STAB2: variants seen among roughly 807,000 people sequenced by gnomAD.
The protein encoded by STAB2 is stabilin-2.
In STAB2, 288 loss-of-function variants were observed where a neutral mutation model predicts 338.1. The ratio of observed to expected loss-of-function variants is 0.85; its 90% CI spans 0.77 to 0.94. The LOEUF (loss-of-function observed/expected upper bound fraction) is 0.94. STAB2 is among the 40% of genes least tolerant of loss of function. The pLI is 0.00. For missense variants in STAB2, 3,141 were observed against 3,210.1 expected, an observed-to-expected ratio of 0.98 and a Z score of 0.52; for synonymous variants, 1,202 against 1,193.3, an observed-to-expected ratio of 1.01 and a Z score of -0.15.
chr12:103,611,991 C>G (rs941794012), intron 3 of STAB2, among the ~76,000 whole-genome samples: 1 of 152,168 alleles, frequency 6.6e-6, no homozygotes, highest in African/African-American at 2.4e-5. Flanking sequence ...AAATTCTTTT[C>G]TTTAAGAATG....
At position 103,745,276 on chromosome 12, in the gene STAB2, A is replaced by G; in HGVS notation, c.6135A>G (p.Ala2045=). ...CAGGCCCCTCGTGTGACACTCAGGC[A>G]GGTCAGTCATGGGAGTGGTCAGCTG... is the stretch of plus-strand genomic sequence containing the variant. The part of the protein sequence containing the change: ...GWTGPSCDTQ[A]VLPAVCTPPC... The change falls in exon 57 of 69, where the codon GCA becomes GCG. Residue 2045 remains alanine (A), a splice_region_variant and synonymous_variant. Transcript: ENST00000388887. 1 of 1,612,934 alleles carries G rather than the reference A, an allele frequency of 6.2e-7. No individual in the cohort carries two copies. Among genetic ancestry groups the G allele is most frequent in the South Asian group, 1.1e-5 (1 of 90,866 alleles).
intron 53 of STAB2, among the ~76,000 whole-genome samples, chr12:103,738,777 A>T (rs1163140320): frequency 6.6e-6 from 1 of 152,208 alleles, no homozygotes; most frequent in Non-Finnish European, 1.5e-5. Context: ...AAAGTATACC[A>T]TTTAACTTAA....
At chr12:103,761,258 C>T in intron 65 of STAB2, 42 bp from the exon 66 acceptor site, 2 of 1,587,250 alleles carry the variant, frequency 1.3e-6, no homozygotes, top group Admixed American at 1.7e-5. Context: ...GGGCTGCCCA[C>T]TCGGAGAGTA....
intron 26 of STAB2, 74 bp from the exon 27 acceptor site, chr12:103,684,915 T>C (rs1877256848): frequency 2.1e-6 from 3 of 1,440,644 alleles, no homozygotes; most frequent in Non-Finnish European, 2.9e-6. Context: ...AGATGGAGCC[T>C]GTCGTCTCAT....
chr12:103,705,184 C>A (rs956523751), intron 36 of STAB2, among the ~76,000 whole-genome samples: 2 of 152,164 alleles, frequency 1.3e-5, no homozygotes, highest in Non-Finnish European at 2.9e-5. Context: ...TAATCTATAA[C>A]AACCATACAG....
At chr12:103,650,406 CG>C in intron 10 of STAB2, 89 bp from the exon 11 acceptor site, 3 of 1,043,354 alleles carry the variant, frequency 2.9e-6, no homozygotes, top group Non-Finnish European at 4.4e-6. Flanking sequence ...ATGGACCGGT[CG>C]TGACCCAAGA....
intron 53 of STAB2, among the ~76,000 whole-genome samples, chr12:103,738,348 G>T (rs1882319692): frequency 6.6e-6 from 1 of 152,098 alleles, no homozygotes; most frequent in South Asian, 2.1e-4. Context: ...CATCCATCCA[G>T]CACCTTTACT....
At chr12:103,677,080 T>C (rs1396186970) in intron 24 of STAB2, among the ~76,000 whole-genome samples, 1 of 152,202 alleles carries the variant, frequency 6.6e-6, no homozygotes, top group Admixed American at 6.5e-5. Flanking sequence ...GGTTGCCACA[T>C]TATACAGGCC....
chr12:103,603,350 G>A (rs532094648), intron 3 of STAB2, among the ~76,000 whole-genome samples: 86 of 152,314 alleles, frequency 5.6e-4, no homozygotes, highest in Non-Finnish European at 1.1e-3. Context: ...GATTACAGGC[G>A]TGAGCCACCG....
chr12:103,611,046 T>C (rs1324688368), intron 3 of STAB2, among the ~76,000 whole-genome samples: 1 of 152,226 alleles, frequency 6.6e-6, no homozygotes, highest in African/African-American at 2.4e-5. Context: ...CACTGTGGTC[T>C]GAGAGACAGT....
Position 103,689,843 on chromosome 12 carries a change from C to A in STAB2, c.3046-3C>A. 6.2e-7 allele frequency: 1 copy of A among 1,612,250 alleles called. No homozygotes were observed. The highest frequency in any genetic ancestry group is 8.5e-7 in the Non-Finnish European group (1 of 1,179,424). ...GTCACTTTATTTTCCTTCTGTGGTT[C>A]AGAATGCTTCTCTACAACCCACACT... On this transcript the variant is annotated splice_region_variant and splice_polypyrimidine_tract_variant and intron_variant, in intron 28 of 68. Coordinates refer to ENST00000388887, the MANE Select transcript of STAB2 (RefSeq NM_017564.10).
chr12:103,683,064 A>G, intron 25 of STAB2, 141 bp from the exon 26 acceptor site: 1 of 530,446 alleles, frequency 1.9e-6, no homozygotes, highest in Non-Finnish European at 3.2e-6. Context: ...GAAGTGTATC[A>G]AGCAAAAGGC....
At chr12:103,657,007 A>G (rs948247136) in intron 15 of STAB2, among the ~76,000 whole-genome samples, 10 of 152,048 alleles carry the variant, frequency 6.6e-5, no homozygotes, top group African/African-American at 2.4e-4. Context: ...AAAACTTAAC[A>G]AGGAGATAAA....
Position 103,660,319 on chromosome 12 carries a change from G to C in STAB2, c.1735-12G>C. The C allele has an allele frequency of 6.2e-7, 1 of 1,613,956 alleles. No homozygotes were observed. Among genetic ancestry groups the C allele is most frequent in the South Asian group, 1.1e-5 (1 of 91,080 alleles). On this transcript the variant is annotated splice_polypyrimidine_tract_variant and intron_variant, in intron 15 of 68. Coordinates refer to ENST00000388887, the MANE Select transcript of STAB2 (RefSeq NM_017564.10). The stretch of plus-strand genomic sequence containing the variant: ...TCTTCTTTGACTAAAGAAGTATTTG[G>C]TTCCTTTGCAGGGATCTCGGAAGCT...
At chr12:103,730,605 A>T (rs771636662) in intron 49 of STAB2, among the ~76,000 whole-genome samples, 1 of 152,184 alleles carries the variant, frequency 6.6e-6, no homozygotes, top group Non-Finnish European at 1.5e-5. Flanking sequence ...ATATAGGTCA[A>T]GGTCTTCCAC....
chr12:103,762,342 C>G lies in STAB2; in HGVS notation c.7428C>G (p.Ala2476=), dbSNP rs755099874. 2.5e-6 allele frequency: 4 copies of G among 1,614,216 alleles called. No homozygotes were observed. Among genetic ancestry groups the G allele is most frequent in the Admixed American group, 1.7e-5 (1 of 60,024 alleles). The change falls in exon 67 of 69, where the codon GCC becomes GCG. Residue 2476 remains alanine (A), a synonymous_variant. Transcript: ENST00000388887. The part of the protein sequence containing the change: ...FAIILVTGAV[A]LAAYSYFRIN... ...TCATCCTGGTGACTGGGGCTGTTGC[C>G]TTGGCTGCTTACTCCTACTTTCGGA...
chr12:103,741,220 G>T (rs1472302433), intron 55 of STAB2, among the ~76,000 whole-genome samples: 2 of 152,098 alleles, frequency 1.3e-5, no homozygotes, highest in Non-Finnish European at 2.9e-5. Context: ...ACCTCATCAG[G>T]AAAGGGCTCC....
At chr12:103,714,711 C>T (rs1042595111) in intron 42 of STAB2, among the ~76,000 whole-genome samples, 1 of 151,764 alleles carries the variant, frequency 6.6e-6, no homozygotes, top group Admixed American at 6.6e-5. Flanking sequence ...AACCATTTAG[C>T]CCTGTTTATC....
chr12:103,754,039 G>A (rs905143340), intron 61 of STAB2, among the ~76,000 whole-genome samples: 12 of 152,186 alleles, frequency 7.9e-5, no homozygotes, highest in African/African-American at 2.7e-4. Context: ...GTTCCAGGCT[G>A]GTGGTTTATC....
Sources: allele counts gnomAD v4.1 joint callset (sites outside exome capture counted in the v4.1 genomes callset), GRCh38; gene constraint gnomAD v4.1.1; transcripts MANE v1.5; gene names NCBI Gene and HGNC (gene_info 2026-07-23, HGNC 2026-07-21).